The following HIPK3 variants were observed in gnomAD, a reference collection of about 807,000 sequenced individuals.
HIPK3 encodes homeodomain interacting protein kinase 3, also known as homeodomain-interacting protein kinase 3.
HIPK3 carries 47 observed loss-of-function variants against 124.2 expected under a neutral mutation model. The observed-to-expected ratio is 0.38, with a 90% CI of 0.30 to 0.48. The LOEUF (loss-of-function observed/expected upper bound fraction) is 0.48. Ranked by LOEUF, HIPK3 falls within the 20% of genes least tolerant of loss-of-function variation. The pLI, the probability that HIPK3 is intolerant of heterozygous loss-of-function variation, is 0.98. For synonymous variants in HIPK3, 482 were observed against 515.2 expected (o/e 0.94, Z 0.87); for missense variants, 1,286 against 1,454.3 (o/e 0.88, Z 1.88).
intron 1 of HIPK3, among the ~76,000 whole-genome samples, chr11:33,264,009 T>C (rs887591059): frequency 1.3e-4 from 20 of 152,202 alleles, no homozygotes; most frequent in Non-Finnish European, 4.4e-5. Context: ...AAAATAAAAC[T>C]AAGATACATC....
intron 1 of HIPK3, among the ~76,000 whole-genome samples, chr11:33,268,356 A>G (rs1460582390): frequency 6.6e-6 from 1 of 152,098 alleles, no homozygotes; most frequent in Admixed American, 6.6e-5. Flanking sequence ...GCACTTTAGG[A>G]GGCTGAAGTG....
At chr11:33,285,292 G>T (rs1333733110) in intron 1 of HIPK3, among the ~76,000 whole-genome samples, 1 of 148,940 alleles carries the variant, frequency 6.7e-6, no homozygotes, top group Admixed American at 6.8e-5. Flanking sequence ...TTTGAAATTT[G>T]ATTTGAAAAT....
rs1554965370 is a variant in HIPK3 at position 33,310,307 on chromosome 11, AATCT to A, written c.1098-18192_1098-18189del. 1.0e-3 allele frequency among the ~76,000 whole-genome samples: 40 copies of A among 38,140 alleles called. 1 individual carries two copies. In the East Asian group the frequency reaches 0.027, roughly 26 times the overall value. The allele number at this position is 38,140 out of a possible 152,430, so 25.0% of individuals were successfully genotyped here. A position where few individuals can be genotyped will look rare whatever the true frequency, so the allele number is the denominator to read the frequency against. ...TATCTATCTATCTATCTATCTATCT[AATCT>A]ATCTATCTATTCTATTGAGGGTCTT... On this transcript the variant is annotated intron_variant, in intron 2 of 16. Transcript: ENST00000303296.
intron 2 of HIPK3, among the ~76,000 whole-genome samples, chr11:33,322,857 T>C (rs1290354724): frequency 6.6e-6 from 1 of 152,108 alleles, no homozygotes; most frequent in African/African-American, 2.4e-5. Context: ...GAGTGGCCAC[T>C]GTTTCCTTTT....
At chr11:33,329,423 A>C (rs1334768267) in intron 3 of HIPK3, among the ~76,000 whole-genome samples, 1 of 152,176 alleles carries the variant, frequency 6.6e-6, no homozygotes. Context: ...ACTTTCAAGC[A>C]AGAAAAAATA....
intron 11 of HIPK3, 75 bp from the exon 12 acceptor site, chr11:33,348,091 C>G (rs1380045886): frequency 2.2e-5 from 36 of 1,602,110 alleles, no homozygotes; most frequent in Middle Eastern, 1.7e-4. Flanking sequence ...TAAAGGGTCA[C>G]TCTGTTGTAT....
At chr11:33,265,229 A>G (rs1176273702) in intron 1 of HIPK3, among the ~76,000 whole-genome samples, 1 of 152,224 alleles carries the variant, frequency 6.6e-6, no homozygotes, top group African/African-American at 2.4e-5. Context: ...TCTCAAAGCC[A>G]AATAAGAATG....
chr11:33,261,129 TATATAAA>T (rs990135446), intron 1 of HIPK3, among the ~76,000 whole-genome samples: 6 of 75,416 alleles, frequency 8.0e-5, no homozygotes, highest in South Asian at 3.8e-4. Context: ...ATATATATTA[TATATAAA>T]ATATAAAATA....
At chr11:33,270,709 A>G (rs1002190870) in intron 1 of HIPK3, among the ~76,000 whole-genome samples, 2 of 152,166 alleles carry the variant, frequency 1.3e-5, no homozygotes, top group Non-Finnish European at 2.9e-5. Context: ...TAATCCCAGC[A>G]CTTTAGGAGG....
intron 6 of HIPK3, 118 bp downstream of exon 6, chr11:33,339,652 C>T: frequency 1.4e-6 from 1 of 719,268 alleles, no homozygotes; most frequent in Non-Finnish European, 2.2e-6. Context: ...TCAAAAGAGG[C>T]TAAGCTAACT....
intron 2 of HIPK3, among the ~76,000 whole-genome samples, chr11:33,302,778 A>G (rs1852043993): frequency 6.6e-6 from 1 of 152,192 alleles, no homozygotes; most frequent in Non-Finnish European, 1.5e-5. Flanking sequence ...TCTTAATGCT[A>G]TTACTGATTT....
chr11:33,309,137 TTTTA>T (rs779922093), intron 2 of HIPK3, among the ~76,000 whole-genome samples: 1 of 152,134 alleles, frequency 6.6e-6, no homozygotes, highest in Non-Finnish European at 1.5e-5. Context: ...GGGATTATCT[TTTTA>T]TTTATTTATT....
Position 33,257,896 on chromosome 11 carries a change from G to T in HIPK3, c.-3+7G>T, listed in dbSNP as rs1036338256. 11 of 985,532 alleles carry T rather than the reference G, an allele frequency of 1.1e-5. No homozygotes were observed. The highest frequency in any genetic ancestry group is 1.3e-5 in the Non-Finnish European group (11 of 830,168). 61.0% of individuals were successfully genotyped at this position (985,532 alleles called of 1,614,324 possible). On this transcript the variant is annotated splice_region_variant and intron_variant, in intron 1 of 16. Coordinates refer to ENST00000303296, the MANE Select transcript of HIPK3 (RefSeq NM_005734.5). ...AGCGCGGGCCTCTAGGAAGGTAAGGGAGTCGAGCGAGGGGCGCCGCCACCC... is the reference window on the plus strand; with the variant it reads ...AGCGCGGGCCTCTAGGAAGGTAAGGTAGTCGAGCGAGGGGCGCCGCCACCC...
intron 2 of HIPK3, among the ~76,000 whole-genome samples, chr11:33,319,801 G>A (rs1852611898): frequency 6.6e-6 from 1 of 152,210 alleles, no homozygotes; most frequent in African/African-American, 2.4e-5. Context: ...TGGAATTTAT[G>A]TTCTAGTGGG....
At chr11:33,351,509 A>G (rs917020272) in intron 14 of HIPK3, 99 bp from the exon 15 acceptor site, 15 of 751,184 alleles carry the variant, frequency 2.0e-5, no homozygotes, top group Non-Finnish European at 2.7e-5. Flanking sequence ...AAATAACTGA[A>G]TAATGTTCTC....
At chr11:33,258,664 CGGGA>C (rs1850740975) in intron 1 of HIPK3, 1 of 985,228 alleles carries the variant, frequency 1.0e-6, no homozygotes, top group South Asian at 4.7e-5. Context: ...GTTTCTCTGT[CGGGA>C]GGGAGACGGC....
intron 1 of HIPK3, among the ~76,000 whole-genome samples, chr11:33,270,103 G>A (rs1182346576): frequency 2.6e-5 from 4 of 151,744 alleles, no homozygotes; most frequent in South Asian, 4.2e-4. Context: ...TCAGCTTCCC[G>A]AGTAGCTGGG....
rs796562510 is a variant in HIPK3, at chr11:33,272,412, T to TA, written c.-2-13999dup. Among the ~76,000 whole-genome samples, 1,052 of 150,734 alleles carry TA rather than the reference T, an allele frequency of 7.0e-3. 11 individuals carry two copies. The highest frequency in any genetic ancestry group is 0.024 in the African/African-American group (975 of 41,110). ...AGACTCCGTCTCCAAAAAAAAAAAA[T>TA]AATAATAATTCAATGTCGTTTCTTT... On this transcript the variant is annotated intron_variant, in intron 1 of 16. Coordinates refer to ENST00000303296, the MANE Select transcript of HIPK3 (RefSeq NM_005734.5).
rs912033058 is a variant in HIPK3, at chr11:33,257,428, G to T, written c.-464G>T. ...ACTGCCGGCATCGCGGCGACCTGAG[G>T]AGATCAAGCCGCAGGCCCCGCCGTC... On this transcript the variant is annotated 5_prime_UTR_variant, in exon 1 of 17. Coordinates refer to ENST00000303296, the MANE Select transcript of HIPK3 (RefSeq NM_005734.5). 2 of 985,124 alleles carry T rather than the reference G, an allele frequency of 2.0e-6. No homozygotes were observed. The highest frequency in any genetic ancestry group is 2.4e-6 in the Non-Finnish European group (2 of 829,864). 61.0% of individuals were successfully genotyped at this position (985,124 alleles called of 1,614,324 possible).
Sources: allele counts gnomAD v4.1 joint callset (sites outside exome capture counted in the v4.1 genomes callset), GRCh38; gene constraint gnomAD v4.1.1; transcripts MANE v1.5; gene names NCBI Gene and HGNC (gene_info 2026-07-23, HGNC 2026-07-21).